Variants in BST1 observed in about 807,000 individuals in gnomAD.
BST1 encodes the protein ADP-ribosyl cyclase/cyclic ADP-ribose hydrolase 2.
BST1 carries 49 observed loss-of-function variants against 40.6 expected under a neutral mutation model. The observed-to-expected ratio is 1.21, with a 90% CI of 0.96 to 1.53. BST1 has a LOEUF of 1.53. BST1 is among the 40% of genes most tolerant of loss of function. The probability of loss-of-function intolerance (pLI) is 0.00; values close to 1 mark genes in which losing one functional copy is unlikely to be tolerated. For missense variants in BST1, 423 were observed against 395.9 expected (o/e 1.07, Z -0.58); for synonymous variants, 157 against 159.3 (o/e 0.99, Z 0.11).
the BST1 span, among the ~76,000 whole-genome samples, chr4:15,765,884 G>C: frequency 6.6e-6 from 1 of 151,920 alleles, no homozygotes; most frequent in East Asian, 1.9e-4. Context: ...TACTTATCTT[G>C]TCTATTATAT....
chr4:15,767,153 T>C, the BST1 span, among the ~76,000 whole-genome samples: 1 of 150,172 alleles, frequency 6.7e-6, no homozygotes, highest in Non-Finnish European at 1.5e-5. Context: ...AAGTTGACGC[T>C]GGCAAGGAGC....
chr4:15,703,246 G>A lies in BST1; in HGVS notation c.102G>A (p.Trp34Ter). ...CGGCGGGCGGGGCGCGCGCGCGGTG[G>A]CGCGGGGAGGGCACCAGCGCACACT... ...LLAAGGARAR[W>*]RGEGTSAHLR... Residue 34 changes from tryptophan (W) to a stop codon, truncating the protein, a stop_gained, in exon 1 of 9, where the codon TGG becomes TGA. Coordinates refer to ENST00000265016, the MANE Select transcript of BST1 (RefSeq NM_004334.3). LOFTEE classifies it high-confidence loss of function. 6.5e-7 allele frequency: 1 copy of A among 1,542,474 alleles called. No homozygotes were observed. The highest frequency in any genetic ancestry group is 8.7e-7 in the Non-Finnish European group (1 of 1,146,808).
At chr4:15,723,637 T>C (rs1720946404) in intron 8 of BST1, 2 of 979,556 alleles carry the variant, frequency 2.0e-6, no homozygotes, top group Admixed American at 1.2e-4. Flanking sequence ...TAAACAATGC[T>C]GAAATATAAT....
At chr4:15,716,470 C>A (rs573617551) in intron 6 of BST1, among the ~76,000 whole-genome samples, 4 of 152,156 alleles carry the variant, frequency 2.6e-5, no homozygotes, top group African/African-American at 9.7e-5. Flanking sequence ...ACAGTCCCTC[C>A]GTGCTACATG....
downstream of BST1, among the ~76,000 whole-genome samples, chr4:15,735,519 T>C (rs1057279723): frequency 6.6e-6 from 1 of 152,226 alleles, no homozygotes; most frequent in African/African-American, 2.4e-5. Flanking sequence ...ATTTATGGCA[T>C]ACTTTCATAA....
downstream of BST1, among the ~76,000 whole-genome samples, chr4:15,736,502 C>T (rs758755028): frequency 1.8e-4 from 27 of 151,700 alleles, no homozygotes; most frequent in Non-Finnish European, 3.1e-4. Flanking sequence ...CCCAGGTACT[C>T]TGAAGGTTGA....
chr4:15,766,221 T>G, the BST1 span, among the ~76,000 whole-genome samples: 1 of 151,944 alleles, frequency 6.6e-6, no homozygotes, highest in Non-Finnish European at 1.5e-5. Context: ...CATATGGTTA[T>G]CCATGATACG....
the BST1 span, among the ~76,000 whole-genome samples, chr4:15,761,169 C>T: frequency 1.3e-5 from 2 of 151,826 alleles, no homozygotes; most frequent in African/African-American, 4.9e-5. Flanking sequence ...CTCAGCCTCC[C>T]GAGTAGCTGG....
downstream of BST1, among the ~76,000 whole-genome samples, chr4:15,732,956 T>A (rs1241749921): frequency 2.0e-5 from 3 of 152,146 alleles, no homozygotes; most frequent in East Asian, 1.9e-4. Context: ...TTCTGGTGGG[T>A]TCGTGGTCTC....
intron 3 of BST1, among the ~76,000 whole-genome samples, chr4:15,711,474 T>G (rs1720200387): frequency 6.6e-6 from 1 of 152,232 alleles, no homozygotes; most frequent in Non-Finnish European, 1.5e-5. Flanking sequence ...TTGTTGTTGT[T>G]TGTGGGTTTT....
chr4:15,765,098 A>C, the BST1 span, among the ~76,000 whole-genome samples: 1 of 151,902 alleles, frequency 6.6e-6, no homozygotes, highest in Non-Finnish European at 1.5e-5. Flanking sequence ...TGAACAAGTT[A>C]ACCTTTGTGG....
intron 8 of BST1, among the ~76,000 whole-genome samples, chr4:15,730,708 G>T (rs978327607): frequency 9.2e-5 from 14 of 152,312 alleles, no homozygotes; most frequent in African/African-American, 2.9e-4. Flanking sequence ...TTTCAATGAC[G>T]TGTGTGCTCA....
downstream of BST1, chr4:15,735,975 C>A: frequency 2.3e-6 from 2 of 854,372 alleles, no homozygotes; most frequent in Non-Finnish European, 3.3e-6. Context: ...AGGAAGAAGG[C>A]AAATCTCATC....
At chr4:15,773,238 C>A in the BST1 span, among the ~76,000 whole-genome samples, 4 of 152,206 alleles carry the variant, frequency 2.6e-5, no homozygotes, top group South Asian at 2.1e-4. Flanking sequence ...ATATGTGGAA[C>A]GAGGGAGAGG....
chr4:15,711,847 A>G lies in BST1; in HGVS notation c.492A>G (p.Glu164=). Residue 164 remains glutamate, a synonymous_variant, in exon 4 of 9, where the codon GAA becomes GAG. Transcript: ENST00000265016. ...CCTGCCCTACATCAGAAGACTGTGA[A>G]AATAATCCTGTGGATTCCTTTTGGA... ...YQSCPTSEDC[E]NNPVDSFWKR... is the part of the protein sequence containing the mutation. 6.2e-7 allele frequency: 1 copy of G among 1,614,172 alleles called. No individual in the cohort carries two copies. The highest frequency in any genetic ancestry group is 8.5e-7 in the Non-Finnish European group (1 of 1,179,998).
chr4:15,770,682 A>G, the BST1 span, among the ~76,000 whole-genome samples: 406 of 152,340 alleles, frequency 2.7e-3, no homozygotes, highest in Non-Finnish European at 4.4e-3. Flanking sequence ...CCTGGGCAAC[A>G]GAGTGAGACT....
At chr4:15,715,861 G>A in intron 6 of BST1, 62 bp downstream of exon 6, 1 of 1,232,670 alleles carries the variant, frequency 8.1e-7, no homozygotes, top group Non-Finnish European at 1.1e-6. Flanking sequence ...TATATAATAT[G>A]ATAAAGTTCG....
chr4:15,724,134 T>C (rs908422708), intron 8 of BST1, among the ~76,000 whole-genome samples: 1 of 152,222 alleles, frequency 6.6e-6, no homozygotes, highest in African/African-American at 2.4e-5. Flanking sequence ...GTACACAACC[T>C]GATGACAGTG....
chr4:15,737,654 C>A, downstream of BST1: 1 of 486,144 alleles, frequency 2.1e-6, no homozygotes, highest in Non-Finnish European at 3.7e-6. Flanking sequence ...CCCCTGAGCA[C>A]AAGGACTGGG....
Sources: allele counts gnomAD v4.1 joint callset (sites outside exome capture counted in the v4.1 genomes callset), GRCh38; gene constraint gnomAD v4.1.1; transcripts MANE v1.5; gene names NCBI Gene and HGNC (gene_info 2026-07-23, HGNC 2026-07-21).